The following DIP2C variants were observed in gnomAD, a reference collection of about 807,000 sequenced individuals.
DIP2C encodes disco-interacting protein 2 homolog C.
In DIP2C, 33 loss-of-function variants were observed where a neutral mutation model predicts 192.4. That is an observed-to-expected ratio of 0.17 (90% confidence interval 0.13 to 0.23). The LOEUF is 0.23. DIP2C is among the 10% of genes least tolerant of loss of function. DIP2C has a pLI of 1.00. For synonymous variants in DIP2C, 979 were observed against 864.1 expected, an observed-to-expected ratio of 1.13 and a Z score of -2.33; for missense variants, 1,537 against 2,110.1, an observed-to-expected ratio of 0.73 and a Z score of 5.32.
intron 1 of DIP2C, among the ~76,000 whole-genome samples, chr10:543,747 C>A (rs816644): frequency 0.99 from 151,184 of 152,382 alleles, 75,005 homozygotes; most frequent in East Asian, 1. Flanking sequence ...TTTCTTTTTA[C>A]ATTGAAAAGC....
At chr10:567,966 T>C (rs1849548387) in intron 1 of DIP2C, among the ~76,000 whole-genome samples, 1 of 152,094 alleles carries the variant, frequency 6.6e-6, no homozygotes, top group African/African-American at 2.4e-5. Flanking sequence ...GAGGCTCCCA[T>C]CCCATCCCAG....
intron 2 of DIP2C, among the ~76,000 whole-genome samples, chr10:483,231 A>G (rs1843737577): frequency 6.6e-6 from 1 of 152,232 alleles, no homozygotes; most frequent in South Asian, 2.1e-4. Flanking sequence ...TTAGGAAAAA[A>G]GGGTGGAAGT....
chr10:523,641 T>C, intron 1 of DIP2C, among the ~76,000 whole-genome samples: 1 of 139,076 alleles, frequency 7.2e-6, no homozygotes, highest in East Asian at 2.2e-4. Flanking sequence ...ACCCGCACAC[T>C]CGTTTCTACC....
At chr10:614,096 A>G in intron 1 of DIP2C, among the ~76,000 whole-genome samples, 1 of 152,172 alleles carries the variant, frequency 6.6e-6, no homozygotes, top group Admixed American at 6.5e-5. Context: ...ACAGGCACAC[A>G]TCTGGATTCA....
intron 22 of DIP2C, among the ~76,000 whole-genome samples, chr10:360,394 T>C (rs1959320407): frequency 6.6e-6 from 1 of 152,194 alleles, no homozygotes; most frequent in Admixed American, 6.5e-5. Context: ...CCAAAACGTG[T>C]GTATTTGAGG....
chr10:398,122 G>GA (rs1964140179), intron 10 of DIP2C, among the ~76,000 whole-genome samples: 3 of 152,180 alleles, frequency 2.0e-5, no homozygotes, highest in African/African-American at 7.2e-5. Context: ...CTCTTGTGGG[G>GA]AAAATCTACA....
intron 31 of DIP2C, among the ~76,000 whole-genome samples, chr10:323,671 T>C (rs1432250157): frequency 6.6e-6 from 1 of 152,244 alleles, no homozygotes; most frequent in African/African-American, 2.4e-5. Context: ...TAGATGGGTT[T>C]ATGACTGTTA....
chr10:337,826 G>GTGTGTGTGTCGTGGAGGCCTACGTAGC, intron 29 of DIP2C, among the ~76,000 whole-genome samples: 1 of 132,900 alleles, frequency 7.5e-6, no homozygotes, highest in Non-Finnish European at 1.6e-5. Flanking sequence ...CTACGCAGCT[G>GTGTGTGTGTCGTGGAGGCCTACGTAGC]TGTGTGTGTG....
chr10:313,293 A>C (rs1956637268), intron 31 of DIP2C, among the ~76,000 whole-genome samples: 1 of 152,228 alleles, frequency 6.6e-6, no homozygotes, highest in Admixed American at 6.5e-5. Flanking sequence ...GCATTAACCC[A>C]TTCCAACTAA....
intron 1 of DIP2C, among the ~76,000 whole-genome samples, chr10:557,886 G>A (rs866573465): frequency 8.1e-6 from 1 of 123,120 alleles, no homozygotes; most frequent in Non-Finnish European, 1.7e-5. Flanking sequence ...GGCAGGGGGA[G>A]GGGGCAGGGG....
intron 17 of DIP2C, among the ~76,000 whole-genome samples, chr10:375,759 G>A (rs1008473347): frequency 1.3e-5 from 2 of 152,142 alleles, no homozygotes; most frequent in Admixed American, 6.5e-5. Context: ...TAGTGAACAA[G>A]CCTCACAGCC....
At chr10:607,663 G>A (rs960016747) in intron 1 of DIP2C, among the ~76,000 whole-genome samples, 8 of 152,128 alleles carry the variant, frequency 5.3e-5, no homozygotes, top group African/African-American at 1.9e-4. Flanking sequence ...CGGCCCAAAC[G>A]ATGCAATGAG....
chr10:594,772 C>T (rs1851606821), intron 1 of DIP2C, among the ~76,000 whole-genome samples: 2 of 152,178 alleles, frequency 1.3e-5, no homozygotes, highest in Admixed American at 1.3e-4. Context: ...CCACACACAA[C>T]CGAGCCGCAA....
At chr10:280,188 A>C (rs1259066470) in intron 36 of DIP2C, among the ~76,000 whole-genome samples, 1 of 152,156 alleles carries the variant, frequency 6.6e-6, no homozygotes, top group Non-Finnish European at 1.5e-5. Context: ...TGATCTTGTA[A>C]ATTCTGCCAA....
intron 1 of DIP2C, among the ~76,000 whole-genome samples, chr10:605,180 G>A (rs114832115): frequency 1.0e-3 from 153 of 152,276 alleles, no homozygotes; most frequent in African/African-American, 3.5e-3. Flanking sequence ...TCACTCCGCC[G>A]GCTGCACTCA....
chr10:321,256 G>A (rs1427377217), intron 31 of DIP2C, among the ~76,000 whole-genome samples: 1 of 152,254 alleles, frequency 6.6e-6, no homozygotes, highest in Admixed American at 6.5e-5. Context: ...CTTCGCCCTT[G>A]AGGATGCAGC....
rs558901355 is a variant in DIP2C at position 570,266 on chromosome 10, TCA to T, written c.86-83738_86-83737del. On this transcript the variant is annotated intron_variant, in intron 1 of 36. Transcript: ENST00000280886. ...ATCATCTCATTTAAACTTCACAGTG[TCA>T]CAAGGTGGATTTTGTCGTGCCCATT... Among the ~76,000 whole-genome samples, 12 of 152,218 alleles carry T rather than the reference TCA, an allele frequency of 7.9e-5. No homozygotes were observed. The East Asian group carries it at 2.3e-3, about 29-fold the overall frequency.
At chr10:648,702 G>A (rs1356395210) in intron 1 of DIP2C, among the ~76,000 whole-genome samples, 6 of 149,168 alleles carry the variant, frequency 4.0e-5, no homozygotes, top group African/African-American at 1.2e-4. Flanking sequence ...CACATTGGAC[G>A]GTAGGAGAGA....
At chr10:580,308 T>TTGTG (rs1850537431) in intron 1 of DIP2C, among the ~76,000 whole-genome samples, 1 of 152,118 alleles carries the variant, frequency 6.6e-6, no homozygotes, top group East Asian at 1.9e-4. Context: ...TACATTAGTG[T>TTGTG]GCACATATCC....
Sources: gnomAD v4.1 joint callset for allele counts (sites outside exome capture counted in the v4.1 genomes callset) on GRCh38, gnomAD v4.1.1 for gene constraint, MANE v1.5 for transcripts, NCBI Gene and HGNC (gene_info 2026-07-23, HGNC 2026-07-21) for gene names.